The following CARMIL1 variants were observed in gnomAD, a reference collection of about 807,000 sequenced individuals.
CARMIL1 encodes the protein capping protein regulator and myosin 1 linker 1, also known as F-actin-uncapping protein LRRC16A.
A neutral mutation model predicts 177.1 loss-of-function variants in CARMIL1; 90 were observed. The ratio of observed to expected loss-of-function variants is 0.51; its 90% confidence interval spans 0.43 to 0.61. The LOEUF (loss-of-function observed/expected upper bound fraction) is 0.61, where lower values mean the gene tolerates loss of function less well. CARMIL1 is among the 20% of genes least tolerant of loss of function. The pLI is 0.00. For missense variants in CARMIL1, 1,380 were observed against 1,667.0 expected (o/e 0.83, Z 3.00); for synonymous variants, 577 against 606.2 (o/e 0.95, Z 0.71).
chr6:25,425,454 A>G (rs1337888382), intron 3 of CARMIL1, among the ~76,000 whole-genome samples: 2 of 152,286 alleles, frequency 1.3e-5, no homozygotes, highest in South Asian at 2.1e-4. Context: ...ATGGTACAAC[A>G]TACCACCAGG....
chr6:25,571,483 A>G (rs1812060426), intron 29 of CARMIL1, among the ~76,000 whole-genome samples: 1 of 152,246 alleles, frequency 6.6e-6, no homozygotes, highest in Non-Finnish European at 1.5e-5. Context: ...GATCATATCC[A>G]TTAATTCAGG....
intron 12 of CARMIL1, among the ~76,000 whole-genome samples, chr6:25,484,514 C>G (rs1802436006): frequency 6.6e-6 from 1 of 152,204 alleles, no homozygotes; most frequent in African/African-American, 2.4e-5. Context: ...GACCTATTGC[C>G]TGAAGCCATC....
chr6:25,611,772 C>T (rs1362511718), intron 36 of CARMIL1, among the ~76,000 whole-genome samples: 1 of 152,122 alleles, frequency 6.6e-6, no homozygotes, highest in Non-Finnish European at 1.5e-5. Context: ...TATAGATTAT[C>T]AAAACAAGGC....
intron 32 of CARMIL1, 92 bp from the exon 33 acceptor site, chr6:25,600,222 T>C: frequency 7.5e-6 from 9 of 1,192,826 alleles, no homozygotes; most frequent in Non-Finnish European, 8.3e-6. Context: ...TTACTGTATA[T>C]GTAGCAATCT....
intron 26 of CARMIL1, among the ~76,000 whole-genome samples, chr6:25,544,170 A>C (rs1023482831): frequency 2.0e-5 from 3 of 152,152 alleles, no homozygotes; most frequent in African/African-American, 7.2e-5. Context: ...CCCAAAAAGA[A>C]AACAGAGACT....
intron 2 of CARMIL1, among the ~76,000 whole-genome samples, chr6:25,315,557 A>G (rs1417561679): frequency 6.7e-6 from 1 of 150,120 alleles, no homozygotes; most frequent in Non-Finnish European, 1.5e-5. Context: ...TTTTTCTCTC[A>G]TCTCTTCCCC....
chr6:25,496,941 T>C lies in CARMIL1; in HGVS notation c.1325+1726T>C, dbSNP rs528751664. ...GTTTGCAACAAGGCTGGACTTACTG[T>C]ACTTTGTTGCATATATACCTGTAAA... On this transcript the variant is annotated intron_variant, in intron 16 of 36. Coordinates refer to ENST00000329474, the MANE Select transcript of CARMIL1 (RefSeq NM_017640.6). 6.6e-5 allele frequency among the ~76,000 whole-genome samples: 10 copies of C among 152,340 alleles called. No individual in the cohort carries two copies. The South Asian group carries it at 1.9e-3, about 28-fold the overall frequency.
At chr6:25,575,306 C>G (rs1363391509) in intron 29 of CARMIL1, among the ~76,000 whole-genome samples, 2 of 152,182 alleles carry the variant, frequency 1.3e-5, no homozygotes, top group Non-Finnish European at 2.9e-5. Context: ...GTTGAAATGT[C>G]TGTTGCCACG....
intron 2 of CARMIL1, among the ~76,000 whole-genome samples, chr6:25,362,302 A>G (rs1222179670): frequency 6.6e-6 from 1 of 152,252 alleles, no homozygotes; most frequent in East Asian, 1.9e-4. Context: ...CCTAATGCCT[A>G]CAGTTGTCAT....
At chr6:25,606,411 C>T in intron 35 of CARMIL1, 138 bp downstream of exon 35, 1 of 719,472 alleles carries the variant, frequency 1.4e-6, no homozygotes, top group Non-Finnish European at 2.3e-6. Flanking sequence ...TCACAAGAAA[C>T]CTATGCAAAG....
At chr6:25,540,895 G>C (rs1808825133) in intron 26 of CARMIL1, among the ~76,000 whole-genome samples, 1 of 152,222 alleles carries the variant, frequency 6.6e-6, no homozygotes, top group Non-Finnish European at 1.5e-5. Context: ...AGGAGAAAAT[G>C]TGGGGTTTTC....
In CARMIL1 at chr6:25,460,071, C is replaced by T. The variant is rs116024148; in HGVS notation, c.615-5802C>T. 7.4e-3 allele frequency among the ~76,000 whole-genome samples: 1,126 copies of T among 152,306 alleles called. 6 individuals are homozygous for T. The highest frequency in any genetic ancestry group is 0.011 in the Non-Finnish European group (749 of 68,036). ...TGGCTGATGTTTGGAAACCTTTCCC[C>T]TTATGTCAATTAATTGCATGAGCAC... is the stretch of plus-strand genomic sequence containing the variant. On this transcript the variant is annotated intron_variant, in intron 8 of 36. Coordinates refer to ENST00000329474, the MANE Select transcript of CARMIL1 (RefSeq NM_017640.6).
chr6:25,339,730 T>C lies in CARMIL1; in HGVS notation c.138+54821T>C, dbSNP rs148495721. ...CCAGATGCAGGGATAGTGGTGTAGA[T>C]GCAGGGCAGTGATTAAAGGCTTTGG... On this transcript the variant is annotated intron_variant, in intron 2 of 36. Coordinates refer to ENST00000329474, the MANE Select transcript of CARMIL1 (RefSeq NM_017640.6). Among the ~76,000 whole-genome samples the C allele has an allele frequency of 1.6e-3, 245 of 152,294 alleles. 2 individuals are homozygous for C. The Middle Eastern group carries it at 0.024, about 15-fold the overall frequency.
chr6:25,536,745 T>C (rs931712607), intron 24 of CARMIL1, among the ~76,000 whole-genome samples: 1 of 152,194 alleles, frequency 6.6e-6, no homozygotes, highest in Non-Finnish European at 1.5e-5. Flanking sequence ...GTCTCTATCA[T>C]TTTGAAATTT....
At chr6:25,389,871 T>C (rs1485333735) in intron 2 of CARMIL1, among the ~76,000 whole-genome samples, 1 of 152,164 alleles carries the variant, frequency 6.6e-6, no homozygotes, top group Non-Finnish European at 1.5e-5. Context: ...TAGGAAAATT[T>C]TCTGTGTGAG....
intron 2 of CARMIL1, among the ~76,000 whole-genome samples, chr6:25,359,382 G>C (rs1788961696): frequency 6.6e-6 from 1 of 152,206 alleles, no homozygotes. Flanking sequence ...GCTCACTGAG[G>C]CTCGTTCTGC....
At chr6:25,459,266 C>CTTTTTTTT (rs769702901) in intron 8 of CARMIL1, among the ~76,000 whole-genome samples, 7 of 73,770 alleles carry the variant, frequency 9.5e-5, no homozygotes, top group Non-Finnish European at 1.8e-4. Flanking sequence ...TTCTTTCTTT[C>CTTTTTTTT]TTTTTTTTTT....
chr6:25,352,825 A>C (rs1788243447), intron 2 of CARMIL1, among the ~76,000 whole-genome samples: 1 of 152,198 alleles, frequency 6.6e-6, no homozygotes, highest in Admixed American at 6.5e-5. Context: ...TGTTATATCC[A>C]AATCAGTCAG....
chr6:25,307,542 A>G (rs1000541406), intron 2 of CARMIL1, among the ~76,000 whole-genome samples: 2 of 152,256 alleles, frequency 1.3e-5, no homozygotes, highest in African/African-American at 2.4e-5. Context: ...AGCACATTGG[A>G]ATTATTTCCA....
Sources: allele counts gnomAD v4.1 joint callset (sites outside exome capture counted in the v4.1 genomes callset), GRCh38; gene constraint gnomAD v4.1.1; transcripts MANE v1.5; gene names NCBI Gene and HGNC (gene_info 2026-07-23, HGNC 2026-07-21).